MAPKAP1: variants seen among roughly 807,000 people sequenced by gnomAD.
MAPKAP1 encodes the protein target of rapamycin complex 2 subunit MAPKAP1.
In MAPKAP1, 20 loss-of-function variants were observed where a neutral mutation model predicts 65.7. The ratio of observed to expected loss-of-function variants is 0.30; its 90% CI spans 0.21 to 0.44. The LOEUF (loss-of-function observed/expected upper bound fraction) is 0.44, where lower values mean the gene tolerates loss of function less well. MAPKAP1 is among the 20% of genes least tolerant of loss of function. The pLI is 1.00. For synonymous variants in MAPKAP1, 222 were observed against 244.3 expected (o/e 0.91, Z 0.85); for missense variants, 423 against 648.0 (o/e 0.65, Z 3.77).
intron 10 of MAPKAP1, among the ~76,000 whole-genome samples, chr9:125,459,294 G>C (rs1273946081): frequency 6.6e-6 from 1 of 150,734 alleles, no homozygotes; most frequent in Non-Finnish European, 1.5e-5. Flanking sequence ...TCCTAGATCG[G>C]ATGGCGGCCA....
At chr9:125,619,270 A>G (rs1250866103) in intron 4 of MAPKAP1, among the ~76,000 whole-genome samples, 1 of 152,218 alleles carries the variant, frequency 6.6e-6, no homozygotes, top group Admixed American at 6.5e-5. Context: ...TAGCTTAATG[A>G]CAAGTACTAT....
chr9:125,476,427 G>A (rs1024910691), intron 9 of MAPKAP1, among the ~76,000 whole-genome samples: 1 of 152,170 alleles, frequency 6.6e-6, no homozygotes, highest in African/African-American at 2.4e-5. Flanking sequence ...TTGGAATGGA[G>A]AGGGGCACCT....
chr9:125,638,451 T>G (rs1213239950), intron 4 of MAPKAP1, among the ~76,000 whole-genome samples: 2 of 152,240 alleles, frequency 1.3e-5, no homozygotes, highest in Non-Finnish European at 1.5e-5. Flanking sequence ...AATTCTGGCT[T>G]AAGTCTCACT....
At chr9:125,703,166 T>C (rs978411820) in intron 1 of MAPKAP1, among the ~76,000 whole-genome samples, 2 of 152,158 alleles carry the variant, frequency 1.3e-5, no homozygotes, top group East Asian at 1.9e-4. Flanking sequence ...TCCCTTTAGT[T>C]TGGGCCCGTG....
intron 10 of MAPKAP1, among the ~76,000 whole-genome samples, chr9:125,463,586 G>A (rs1426027256): frequency 6.6e-6 from 1 of 152,214 alleles, no homozygotes; most frequent in African/African-American, 2.4e-5. Flanking sequence ...GGGTTTACCA[G>A]TCTCCTGCAG....
chr9:125,679,528 G>A (rs1399502085), intron 1 of MAPKAP1, among the ~76,000 whole-genome samples: 1 of 152,022 alleles, frequency 6.6e-6, no homozygotes, highest in Non-Finnish European at 1.5e-5. Flanking sequence ...CAGAACAAAG[G>A]AACTTCAGTG....
At chr9:125,584,358 A>G (rs577545849) in intron 5 of MAPKAP1, among the ~76,000 whole-genome samples, 2 of 152,366 alleles carry the variant, frequency 1.3e-5, no homozygotes, top group African/African-American at 4.8e-5. Context: ...AAAGAAATTT[A>G]ATATACCTAA....
At chr9:125,628,046 G>C (rs1223206573) in intron 4 of MAPKAP1, among the ~76,000 whole-genome samples, 1 of 152,172 alleles carries the variant, frequency 6.6e-6, no homozygotes, top group Non-Finnish European at 1.5e-5. Flanking sequence ...GTGTTAGAAA[G>C]ATAAACTGGA....
chr9:125,469,679 A>G (rs909328235), intron 9 of MAPKAP1, among the ~76,000 whole-genome samples: 1 of 152,234 alleles, frequency 6.6e-6, no homozygotes, highest in African/African-American at 2.4e-5. Flanking sequence ...ATTTGTCATT[A>G]GACCTATTTC....
intron 10 of MAPKAP1, among the ~76,000 whole-genome samples, chr9:125,457,840 G>A (rs1302129879): frequency 1.3e-5 from 2 of 152,216 alleles, no homozygotes; most frequent in African/African-American, 4.8e-5. Flanking sequence ...GCCTTGTAAG[G>A]TCCCACTGCA....
intron 3 of MAPKAP1, among the ~76,000 whole-genome samples, chr9:125,668,821 C>T (rs993241318): frequency 2.0e-5 from 3 of 152,180 alleles, no homozygotes; most frequent in Middle Eastern, 3.2e-3. Flanking sequence ...TTACTAGGCC[C>T]ACTAATGGGG....
intron 2 of MAPKAP1, 32 bp downstream of exon 2, chr9:125,672,284 C>G: frequency 6.2e-7 from 1 of 1,609,536 alleles, no homozygotes; most frequent in Non-Finnish European, 8.5e-7. Context: ...TGATTTAAAG[C>G]TCAGAAGACA....
intron 8 of MAPKAP1, among the ~76,000 whole-genome samples, chr9:125,498,073 T>C (rs1828860844): frequency 6.6e-6 from 1 of 152,226 alleles, no homozygotes; most frequent in Non-Finnish European, 1.5e-5. Context: ...TCTGGTATGA[T>C]TCCAGCTTCT....
intron 7 of MAPKAP1, among the ~76,000 whole-genome samples, chr9:125,528,158 T>G (rs1161640277): frequency 6.6e-6 from 1 of 152,204 alleles, no homozygotes; most frequent in Non-Finnish European, 1.5e-5. Context: ...CATTCTCTTC[T>G]TTTGCAAGGT....
At chr9:125,521,503 T>C (rs371566595) in intron 7 of MAPKAP1, 32 of 1,282,096 alleles carry the variant, frequency 2.5e-5, no homozygotes, top group African/African-American at 2.5e-4. Flanking sequence ...TTTTAAACAA[T>C]TGTAAAATAG....
At chr9:125,467,463 T>C (rs996942482) in intron 10 of MAPKAP1, among the ~76,000 whole-genome samples, 1 of 152,230 alleles carries the variant, frequency 6.6e-6, no homozygotes. Flanking sequence ...AGTTTAATCA[T>C]GAGCTGGTAG....
intron 6 of MAPKAP1, among the ~76,000 whole-genome samples, chr9:125,546,802 C>T (rs1039817198): frequency 6.6e-6 from 1 of 151,992 alleles, no homozygotes; most frequent in Admixed American, 6.6e-5. Context: ...GGAGCTGTGG[C>T]GGGGTGATCA....
chr9:125,505,150 C>T (rs770305981), intron 8 of MAPKAP1, among the ~76,000 whole-genome samples: 3 of 151,918 alleles, frequency 2.0e-5, no homozygotes, highest in Non-Finnish European at 4.4e-5. Context: ...GAGTTTGAAC[C>T]GCCGGGCGCG....
intron 4 of MAPKAP1, among the ~76,000 whole-genome samples, chr9:125,586,511 T>G (rs519812): frequency 0.54 from 76,583 of 141,162 alleles, 20,029 homozygotes; most frequent in East Asian, 0.67. Context: ...TTTGTTGTTG[T>G]TTTTTTTTTT....
Sources: gnomAD v4.1 joint callset for allele counts (sites outside exome capture counted in the v4.1 genomes callset) on GRCh38, gnomAD v4.1.1 for gene constraint, MANE v1.5 for transcripts, NCBI Gene and HGNC (gene_info 2026-07-23, HGNC 2026-07-21) for gene names.